The following NHS variants were observed in gnomAD, a reference collection of about 807,000 sequenced individuals.
NHS encodes NHS actin remodeling regulator.
NHS carries 5 observed loss-of-function variants against 72.5 expected under a neutral mutation model. The ratio of observed to expected loss-of-function variants is 0.07; its 90% CI spans 0.04 to 0.14. NHS has a LOEUF of 0.14. Among genes scored for constraint, NHS ranks in the 10% least tolerant of loss-of-function variants. The pLI, the probability that NHS is intolerant of heterozygous loss-of-function variation, is 1.00. For missense variants in NHS, 1,072 were observed against 1,355.7 expected (o/e 0.79, Z 3.29); for synonymous variants, 464 against 547.7 (o/e 0.85, Z 2.13).
chrX:17,688,019 G>A (rs1219991760), intron 2 of NHS, 125 bp downstream of exon 2: 28 of 754,686 alleles, frequency 3.7e-5, no homozygotes, highest in Non-Finnish European at 4.8e-5. Context: ...AAATGCTCCC[G>A]TTTCTACCCT....
chrX:17,420,785 C>T (rs964374936), intron 1 of NHS, among the ~76,000 whole-genome samples: 5 of 111,818 alleles, frequency 4.5e-5, no homozygotes, highest in Non-Finnish European at 9.4e-5. Flanking sequence ...AAGCAGTCTT[C>T]AACCTCACAG....
At chrX:17,506,344 C>T (rs1055206658) in intron 1 of NHS, among the ~76,000 whole-genome samples, 1 of 109,630 alleles carries the variant, frequency 9.1e-6, no homozygotes, top group Admixed American at 9.8e-5. Context: ...GCCTGACCAA[C>T]ATGGCAAAAT....
chrX:17,618,042 TCTG>T (rs750858729), intron 1 of NHS, among the ~76,000 whole-genome samples: 3 of 112,142 alleles, frequency 2.7e-5, no homozygotes, highest in Non-Finnish European at 3.8e-5. Flanking sequence ...GACATTCAGA[TCTG>T]CTGACACATT....
In NHS at chrX:17,651,589, G is replaced by A. The variant is rs138427773; in HGVS notation, c.566-36153G>A. Among the ~76,000 whole-genome samples the A allele has an allele frequency of 9.2e-3, 1,032 of 111,835 alleles. 30 individuals are homozygous for A. The highest frequency in any genetic ancestry group is 0.082 in the Admixed American group (860 of 10,517). On this transcript the variant is annotated intron_variant, in intron 1 of 8. Transcript: ENST00000676302. ...CCATCCCATAGAGCCTCTGTGTTCA[G>A]CCAGCAGGGAAGACAAGAAAGTGTG...
intron 1 of NHS, among the ~76,000 whole-genome samples, chrX:17,417,967 GCAACT>G (rs769671089): frequency 1.8e-5 from 2 of 112,117 alleles, no homozygotes; most frequent in South Asian, 7.5e-4. Context: ...CTCATTTTAA[GCAACT>G]CAGGTCAGGA....
chrX:17,517,176 G>A (rs1174764190), intron 1 of NHS, among the ~76,000 whole-genome samples: 1 of 112,483 alleles, frequency 8.9e-6, no homozygotes, highest in Non-Finnish European at 1.9e-5. Flanking sequence ...ACATACTGCA[G>A]TGAGAAGATC....
At chrX:17,538,357 A>G (rs1315298632) in intron 1 of NHS, among the ~76,000 whole-genome samples, 2 of 111,577 alleles carry the variant, frequency 1.8e-5, no homozygotes, top group African/African-American at 3.3e-5. Context: ...TCCTGGAAGC[A>G]GTGGTTAGGG....
At chrX:17,608,354 C>T (rs1193723426) in intron 1 of NHS, among the ~76,000 whole-genome samples, 1 of 112,250 alleles carries the variant, frequency 8.9e-6, no homozygotes, top group Non-Finnish European at 1.9e-5. Flanking sequence ...CAAATCCAGT[C>T]TTTCTCTTCA....
At chrX:17,550,265 C>A (rs2065325999) in intron 1 of NHS, among the ~76,000 whole-genome samples, 1 of 112,078 alleles carries the variant, frequency 8.9e-6, no homozygotes, top group African/African-American at 3.2e-5. Context: ...CTCAAACCTT[C>A]CTTGGACTTG....
intron 1 of NHS, among the ~76,000 whole-genome samples, chrX:17,378,488 A>G (rs1447241477): frequency 1.8e-5 from 2 of 112,016 alleles, no homozygotes; most frequent in African/African-American, 3.3e-5. Context: ...TGATGTCATA[A>G]AAGGCATTAC....
chrX:17,653,424 CTT>C (rs767911933), intron 1 of NHS, among the ~76,000 whole-genome samples: 19 of 98,076 alleles, frequency 1.9e-4, no homozygotes, highest in Non-Finnish European at 1.7e-4. Context: ...TTTTCTTTTT[CTT>C]TTTTTTTTTT....
At position 17,476,599 on chromosome X, in the gene NHS, T is replaced by G. The variant is rs780676053; in HGVS notation, c.565+100277T>G. ...TTTATTTTGTGTGTGGGTGTGTGTG[T>G]GGGGGTAACACTACCTGTAGGTAGT... On this transcript the variant is annotated intron_variant, in intron 1 of 8. Coordinates refer to ENST00000676302, the MANE Select transcript of NHS (RefSeq NM_001291867.2). 1.4e-4 allele frequency among the ~76,000 whole-genome samples: 15 copies of G among 110,841 alleles called. No individual in the cohort carries two copies. The East Asian group carries it at 1.4e-3, about 11-fold the overall frequency.
At chrX:17,518,623 C>T (rs1226076557) in intron 1 of NHS, among the ~76,000 whole-genome samples, 1 of 112,062 alleles carries the variant, frequency 8.9e-6, no homozygotes, top group Non-Finnish European at 1.9e-5. Flanking sequence ...TGCTTGTTTG[C>T]TCTCCATGCA....
chrX:17,565,831 T>A (rs2065440607), intron 1 of NHS, among the ~76,000 whole-genome samples: 1 of 112,069 alleles, frequency 8.9e-6, no homozygotes, highest in Non-Finnish European at 1.9e-5. Flanking sequence ...TATACACCCA[T>A]TGCCTACTGA....
intron 1 of NHS, among the ~76,000 whole-genome samples, chrX:17,670,970 A>G (rs1282495932): frequency 8.9e-6 from 1 of 112,103 alleles, no homozygotes; most frequent in Non-Finnish European, 1.9e-5. Flanking sequence ...CTCTGCAACG[A>G]AAGTCACTCT....
intron 2 of NHS, 102 bp from the exon 3 acceptor site, chrX:17,692,233 C>CT (rs11347866): frequency 0.074 from 59,300 of 797,868 alleles, 2 homozygotes; most frequent in Non-Finnish European, 0.086. Flanking sequence ...TGAAAACTCA[C>CT]TTTTTTTTTT....
intron 1 of NHS, among the ~76,000 whole-genome samples, chrX:17,588,703 C>A (rs5909446): frequency 9.1e-6 from 1 of 110,069 alleles, no homozygotes; most frequent in Non-Finnish European, 1.9e-5. Flanking sequence ...GGCAGTTGGA[C>A]TCTGTAAACA....
chrX:17,638,213 A>T (rs1270154431), intron 1 of NHS, among the ~76,000 whole-genome samples: 1 of 111,861 alleles, frequency 8.9e-6, no homozygotes, highest in Non-Finnish European at 1.9e-5. Context: ...TCATGTCATT[A>T]TCAGTGTCAT....
intron 1 of NHS, among the ~76,000 whole-genome samples, chrX:17,437,254 G>A (rs1255269166): frequency 1.8e-5 from 2 of 111,586 alleles, no homozygotes; most frequent in African/African-American, 6.5e-5. Flanking sequence ...CCCTCCTGGT[G>A]CAAGCCCAAG....
Sources: gnomAD v4.1 joint callset for allele counts (sites outside exome capture counted in the v4.1 genomes callset) on GRCh38, gnomAD v4.1.1 for gene constraint, MANE v1.5 for transcripts, NCBI Gene and HGNC (gene_info 2026-07-23, HGNC 2026-07-21) for gene names.